Variants in TRAPPC3L observed in about 807,000 individuals in gnomAD.
TRAPPC3L encodes the protein trafficking protein particle complex subunit 3L.
In TRAPPC3L, 23 loss-of-function variants were observed where a neutral mutation model predicts 23.7. That is an observed-to-expected ratio of 0.97 (90% CI 0.70 to 1.37). The LOEUF (loss-of-function observed/expected upper bound fraction) is 1.37, where lower values mean the gene tolerates loss of function less well. TRAPPC3L is among the 40% of genes most tolerant of loss of function. TRAPPC3L has a pLI of 0.00. For missense variants in TRAPPC3L, 212 were observed against 216.8 expected, an observed-to-expected ratio of 0.98 and a Z score of 0.14; for synonymous variants, 81 against 77.9, an observed-to-expected ratio of 1.04 and a Z score of -0.21.
intron 3 of TRAPPC3L, among the ~76,000 whole-genome samples, chr6:116,530,356 C>T (rs1772622814): frequency 6.6e-6 from 1 of 151,996 alleles, no homozygotes; most frequent in African/African-American, 2.4e-5. Context: ...TGCTAACATT[C>T]TTTGAAAAAA....
chr6:116,513,081 C>T (rs1772155966), intron 3 of TRAPPC3L, among the ~76,000 whole-genome samples: 1 of 152,064 alleles, frequency 6.6e-6, no homozygotes, highest in Non-Finnish European at 1.5e-5. Flanking sequence ...AATTGCATTC[C>T]CAAAAGCAAA....
intron 2 of TRAPPC3L, among the ~76,000 whole-genome samples, chr6:116,541,287 A>G (rs1049483217): frequency 2.2e-4 from 33 of 152,230 alleles, no homozygotes; most frequent in Admixed American, 2.1e-3. Flanking sequence ...AGAACTTGCA[A>G]TCTAGCTGAG....
Position 116,496,577 on chromosome 6 carries a change from T to C in TRAPPC3L, c.*377A>G, listed in dbSNP as rs1771836045. ...TATAGGAAACTCTATGCTATATCAT[T>C]TCATTCTTTTTTTTTCAGCAAAGAG... On this transcript the variant is annotated 3_prime_UTR_variant, in exon 5 of 5. Transcript: ENST00000368602. 1 of 173,496 alleles carries C rather than the reference T, an allele frequency of 5.8e-6. No individual in the cohort carries two copies. The highest frequency in any genetic ancestry group is 1.5e-4 in the South Asian group (1 of 6,822). The allele number at this position is 173,496 out of a possible 1,614,324, so 10.7% of individuals were successfully genotyped here.
At chr6:116,537,203 G>A (rs1208001683) in intron 3 of TRAPPC3L, among the ~76,000 whole-genome samples, 2 of 152,202 alleles carry the variant, frequency 1.3e-5, no homozygotes, top group Non-Finnish European at 1.5e-5. Context: ...ATCTTGCATA[G>A]GAGTGGAAGT....
intron 3 of TRAPPC3L, chr6:116,516,174 G>A (rs552319627): frequency 2.5e-4 from 174 of 699,300 alleles, no homozygotes; most frequent in African/African-American, 1.8e-3. Context: ...TCAAATTGAT[G>A]CTGAGGGGTG....
rs1771823251 is a variant in TRAPPC3L, at chr6:116,495,622, C to T, written c.*1332G>A. On this transcript the variant is annotated 3_prime_UTR_variant, in exon 5 of 5. Transcript: ENST00000368602. Reference sequence around the variant, plus strand: ...TCTCCATAGTGGTTATACTAATTTACATTCCCACCAACAGTGTACCAGAGT... The same window carrying T: ...TCTCCATAGTGGTTATACTAATTTATATTCCCACCAACAGTGTACCAGAGT... 6.6e-6 allele frequency: 1 copy of T among 152,146 alleles called. No individual in the cohort carries two copies. The highest frequency in any genetic ancestry group is 2.4e-5 in the African/African-American group (1 of 41,422). 9.4% of individuals were successfully genotyped at this position (152,146 alleles called of 1,614,324 possible).
At chr6:116,540,008 C>G in intron 3 of TRAPPC3L, among the ~76,000 whole-genome samples, 1 of 152,192 alleles carries the variant, frequency 6.6e-6, no homozygotes, top group African/African-American at 2.4e-5. Flanking sequence ...CAAAAACCAT[C>G]TCCCTCCATG....
In TRAPPC3L at chr6:116,501,418, T is replaced by G. The variant is rs1014638548; in HGVS notation, c.241-752A>C. On this transcript the variant is annotated intron_variant, in intron 3 of 4. Transcript: ENST00000368602. ...CAGCAAGGCCTACTGCCTCCTTAGATTCCACCTCTGGGGGCAGGGCATATC... is the reference window on the plus strand; with the variant it reads ...CAGCAAGGCCTACTGCCTCCTTAGAGTCCACCTCTGGGGGCAGGGCATATC... Among the ~76,000 whole-genome samples, 19 of 152,338 alleles carry G rather than the reference T, an allele frequency of 1.2e-4. No homozygotes were observed. In the East Asian group the frequency reaches 3.7e-3, roughly 29 times the overall value.
chr6:116,543,643 T>C, intron 1 of TRAPPC3L: 1 of 673,520 alleles, frequency 1.5e-6, no homozygotes, highest in South Asian at 1.8e-5. Context: ...TGATAACATC[T>C]TTCTATGCAT....
chr6:116,534,458 GA>G (rs80066793), intron 3 of TRAPPC3L, among the ~76,000 whole-genome samples: 23,324 of 150,790 alleles, frequency 0.15, 1,936 homozygotes, highest in East Asian at 0.35. Context: ...AGAAGCAGAA[GA>G]AAAAAAAATA....
chr6:116,507,891 C>A (rs1772034476), intron 3 of TRAPPC3L, among the ~76,000 whole-genome samples: 1 of 152,124 alleles, frequency 6.6e-6, no homozygotes, highest in Non-Finnish European at 1.5e-5. Flanking sequence ...GCCTTAGTTT[C>A]AAAAATAAGT....
chr6:116,533,764 C>T (rs1772895493), intron 3 of TRAPPC3L, among the ~76,000 whole-genome samples: 1 of 152,218 alleles, frequency 6.6e-6, no homozygotes, highest in Non-Finnish European at 1.5e-5. Context: ...TCTTCTGTCT[C>T]TAGCGTGCCT....
At chr6:116,505,944 G>A (rs1420152856) in intron 3 of TRAPPC3L, among the ~76,000 whole-genome samples, 1 of 152,134 alleles carries the variant, frequency 6.6e-6, no homozygotes, top group African/African-American at 2.4e-5. Context: ...ATACCATTCA[G>A]GACATAGGCA....
chr6:116,498,142 T>C (rs1771860853), intron 4 of TRAPPC3L, among the ~76,000 whole-genome samples: 1 of 152,228 alleles, frequency 6.6e-6, no homozygotes, highest in African/African-American at 2.4e-5. Context: ...GGAGACAATG[T>C]TGAAGCTATT....
intron 3 of TRAPPC3L, among the ~76,000 whole-genome samples, chr6:116,527,163 T>C (rs1772453888): frequency 6.6e-6 from 1 of 152,230 alleles, no homozygotes; most frequent in African/African-American, 2.4e-5. Context: ...TTTTCACAAA[T>C]TACTATTCTT....
intron 3 of TRAPPC3L, chr6:116,516,579 C>T (rs1458946008): frequency 6.6e-6 from 1 of 150,822 alleles, no homozygotes; most frequent in Non-Finnish European, 1.5e-5. Flanking sequence ...CCCCTGGAAG[C>T]AGGGCTGCAT....
chr6:116,516,148 G>A (rs1279515129), intron 3 of TRAPPC3L: 6 of 904,482 alleles, frequency 6.6e-6, no homozygotes, highest in Non-Finnish European at 6.2e-6. Context: ...CTCTCAAGTG[G>A]AACATCAGGA....
At chr6:116,537,838 T>A (rs1282872059) in intron 3 of TRAPPC3L, among the ~76,000 whole-genome samples, 1 of 152,212 alleles carries the variant, frequency 6.6e-6, no homozygotes, top group African/African-American at 2.4e-5. Context: ...CTAATTTTTA[T>A]TGAGTAAATA....
chr6:116,510,583 T>G (rs1292476144), intron 3 of TRAPPC3L, among the ~76,000 whole-genome samples: 1 of 152,134 alleles, frequency 6.6e-6, no homozygotes, highest in Non-Finnish European at 1.5e-5. Context: ...CCACGGCACC[T>G]TTCTTTCATT....
Sources: gnomAD v4.1 joint callset for allele counts (sites outside exome capture counted in the v4.1 genomes callset) on GRCh38, gnomAD v4.1.1 for gene constraint, MANE v1.5 for transcripts, NCBI Gene and HGNC (gene_info 2026-07-23, HGNC 2026-07-21) for gene names.